The following PDE8A variants were observed in gnomAD, a reference collection of about 807,000 sequenced individuals.
PDE8A encodes high affinity cAMP-specific and IBMX-insensitive 3',5'-cyclic phosphodiesterase 8A.
PDE8A carries 59 observed loss-of-function variants against 105.0 expected under a neutral mutation model. The ratio of observed to expected loss-of-function variants is 0.56; its 90% CI spans 0.46 to 0.70. The LOEUF is 0.70. Among genes scored for constraint, PDE8A ranks in the 30% least tolerant of loss-of-function variants. The pLI is 0.00. For missense variants in PDE8A, 1,014 were observed against 1,045.9 expected, an observed-to-expected ratio of 0.97 and a Z score of 0.42; for synonymous variants, 355 against 371.9, an observed-to-expected ratio of 0.95 and a Z score of 0.52.
rs755283460 is a variant in PDE8A at position 85,072,690 on chromosome 15, C to A, written c.435-3172C>A. On this transcript the variant is annotated intron_variant, in intron 3 of 21. Transcript: ENST00000394553. Reference sequence around the variant, plus strand: ...TGATCCTGCAGAGTCCATGGCAGCCCTGGACTGTCTCCTCTGCACATTTTT... The same window carrying A: ...TGATCCTGCAGAGTCCATGGCAGCCATGGACTGTCTCCTCTGCACATTTTT... 6.6e-3 allele frequency among the ~76,000 whole-genome samples: 1,003 copies of A among 152,276 alleles called. 8 individuals are homozygous for A. Among genetic ancestry groups the A allele is most frequent in the Middle Eastern group, 0.031 (9 of 294 alleles).
At chr15:85,059,980 C>T (rs2081118631) in intron 1 of PDE8A, among the ~76,000 whole-genome samples, 2 of 152,202 alleles carry the variant, frequency 1.3e-5, no homozygotes, top group Middle Eastern at 3.4e-3. Context: ...TGCACTCCAG[C>T]CTGGGTGATA....
intron 1 of PDE8A, among the ~76,000 whole-genome samples, chr15:85,011,715 G>A (rs2080242103): frequency 6.6e-6 from 1 of 152,094 alleles, no homozygotes; most frequent in African/African-American, 2.4e-5. Context: ...TTAAACTAAA[G>A]AGCTTCTGCA....
intron 1 of PDE8A, among the ~76,000 whole-genome samples, chr15:85,010,582 T>C (rs1383603021): frequency 6.6e-6 from 1 of 152,174 alleles, no homozygotes; most frequent in Non-Finnish European, 1.5e-5. Flanking sequence ...ATGTTTAAAC[T>C]TGAGGACGCT....
intron 1 of PDE8A, among the ~76,000 whole-genome samples, chr15:85,056,879 A>G (rs906390345): frequency 6.6e-6 from 1 of 152,150 alleles, no homozygotes; most frequent in African/African-American, 2.4e-5. Context: ...GTTCCTTTGG[A>G]GGAGAAGAGG....
At chr15:85,058,351 C>T (rs762552033) in intron 1 of PDE8A, among the ~76,000 whole-genome samples, 30 of 152,250 alleles carry the variant, frequency 2.0e-4, no homozygotes, top group African/African-American at 4.6e-4. Context: ...CTCTCAAAAG[C>T]GCTGGGATTA....
rs908359172 is a variant in PDE8A, at chr15:85,066,624, A to G, written c.244-390A>G. 7.3e-5 allele frequency among the ~76,000 whole-genome samples: 8 copies of G among 110,324 alleles called. 1 individual carries two copies. In the East Asian group the frequency reaches 1.5e-3, roughly 21 times the overall value. 72.4% of individuals were successfully genotyped at this position (110,324 alleles called of 152,430 possible). A position where few individuals can be genotyped will look rare whatever the true frequency, so the allele number is the denominator to read the frequency against. On this transcript the variant is annotated intron_variant, in intron 2 of 21. Transcript: ENST00000394553. ...CACACACACACACACACACACACACACACACACACACACACACAGAAATGA... is the reference window on the plus strand; with the variant it reads ...CACACACACACACACACACACACACGCACACACACACACACACAGAAATGA...
intron 5 of PDE8A, among the ~76,000 whole-genome samples, chr15:85,078,094 C>T (rs1014564952): frequency 7.6e-5 from 11 of 144,790 alleles, no homozygotes; most frequent in African/African-American, 2.3e-4. Context: ...TGAATTCTGA[C>T]ATATCCAAAG....
intron 1 of PDE8A, among the ~76,000 whole-genome samples, chr15:85,009,493 G>A (rs921444993): frequency 8.5e-5 from 13 of 152,102 alleles, no homozygotes; most frequent in African/African-American, 2.4e-4. Context: ...AGGACTTTTC[G>A]TTGGTAAATA....
At chr15:85,089,134 TG>T (rs1188556061) in intron 6 of PDE8A, among the ~76,000 whole-genome samples, 1 of 152,140 alleles carries the variant, frequency 6.6e-6, no homozygotes. Flanking sequence ...TCCTTCATAT[TG>T]GAAGGAAAGA....
Position 84,982,019 on chromosome 15 carries a change from G to A in PDE8A, c.-144G>A. On this transcript the variant is annotated 5_prime_UTR_variant, in exon 1 of 22. Coordinates refer to ENST00000394553, the MANE Select transcript of PDE8A (RefSeq NM_002605.3). The stretch of plus-strand genomic sequence containing the variant: ...GCACCGCGATAAAAGGGGCGGCCGC[G>A]TTTCCTGACGCGAGATCCGCGCTCG... 2.6e-6 allele frequency: 1 copy of A among 378,514 alleles called. No homozygotes were observed. The highest frequency in any genetic ancestry group is 4.3e-6 in the Non-Finnish European group (1 of 230,684). The allele number at this position is 378,514 out of a possible 1,614,324, so 23.4% of individuals were successfully genotyped here.
chr15:84,986,223 T>C (rs2079800017), intron 1 of PDE8A, among the ~76,000 whole-genome samples: 2 of 152,060 alleles, frequency 1.3e-5, no homozygotes, highest in African/African-American at 4.8e-5. Flanking sequence ...AGAAACCCTA[T>C]CTCAAAAATA....
chr15:85,075,745 G>T, intron 3 of PDE8A, 117 bp from the exon 4 acceptor site: 1 of 579,586 alleles, frequency 1.7e-6, no homozygotes, highest in South Asian at 2.4e-5. Context: ...AGAGTGAGGG[G>T]ATCATTTACT....
intron 11 of PDE8A, among the ~76,000 whole-genome samples, chr15:85,105,490 G>A (rs1172330263): frequency 6.6e-6 from 1 of 152,174 alleles, no homozygotes; most frequent in Non-Finnish European, 1.5e-5. Flanking sequence ...ATACTTCCAG[G>A]CTGCAGGGCT....
Position 85,120,905 on chromosome 15 carries a change from C to A in PDE8A, c.1843C>A (p.Leu615Met). 1.2e-6 allele frequency: 2 copies of A among 1,613,878 alleles called. No individual in the cohort carries two copies. Among genetic ancestry groups the A allele is most frequent in the Non-Finnish European group, 1.7e-6 (2 of 1,179,720 alleles). ...CTTCCTGTGTAATGCTGGAAGTGAG[C>A]TGGCCATTTTGTACAATGACACTGC... Reference protein sequence around the residue: ...NSFLCNAGSELAILYNDTAVL... With the variant: ...NSFLCNAGSEMAILYNDTAVL... The change falls in exon 18 of 22, where the codon CTG (leucine) becomes ATG (methionine). Residue 615 changes from leucine to methionine, a missense_variant. Leu to Met is a conservative substitution (Grantham distance 15). Transcript: ENST00000394553.
chr15:85,065,938 T>G (rs974900955), intron 2 of PDE8A, among the ~76,000 whole-genome samples: 1 of 152,246 alleles, frequency 6.6e-6, no homozygotes, highest in Non-Finnish European at 1.5e-5. Flanking sequence ...ATGCTACCTC[T>G]TGCACCTGGT....
chr15:85,137,883 C>T lies in PDE8A; in HGVS notation c.2470C>T (p.Leu824Phe), dbSNP rs754020263. The T allele has an allele frequency of 1.0e-5, 16 of 1,606,582 alleles. No homozygotes were observed. In the Admixed American group the frequency reaches 2.7e-4, roughly 27 times the overall value. ...KGLDEMKLRN[L>F]RPPPE ...ACTGGACGAAATGAAGCTGCGGAAC[C>T]TCCGACCACCTCCTGAATAGTGGGA... Residue 824 changes from leucine to phenylalanine, a missense_variant, in exon 22 of 22, where the codon CTC (leucine) becomes TTC (phenylalanine). Coordinates refer to ENST00000394553, the MANE Select transcript of PDE8A (RefSeq NM_002605.3).
chr15:84,999,983 T>C (rs929462524), intron 1 of PDE8A, among the ~76,000 whole-genome samples: 2 of 152,196 alleles, frequency 1.3e-5, no homozygotes, highest in Non-Finnish European at 2.9e-5. Context: ...TCTAAACATA[T>C]TGTTGCTGCA....
At chr15:85,124,452 T>A (rs2082228791) in intron 19 of PDE8A, among the ~76,000 whole-genome samples, 1 of 152,156 alleles carries the variant, frequency 6.6e-6, no homozygotes, top group Non-Finnish European at 1.5e-5. Context: ...CCTCCCCAGC[T>A]CCTATCACCA....
chr15:85,042,029 A>G (rs146320590), intron 1 of PDE8A, among the ~76,000 whole-genome samples: 77 of 152,248 alleles, frequency 5.1e-4, no homozygotes, highest in Non-Finnish European at 2.2e-4. Context: ...ATTTAGAATT[A>G]GACATAATTA....
Sources: allele counts gnomAD v4.1 joint callset (sites outside exome capture counted in the v4.1 genomes callset), GRCh38; gene constraint gnomAD v4.1.1; transcripts MANE v1.5; gene names NCBI Gene and HGNC (gene_info 2026-07-23, HGNC 2026-07-21).